The following SORBS3 variants were observed in gnomAD, a reference collection of about 807,000 sequenced individuals.
The protein encoded by SORBS3 is sorbin and SH3 domain containing 3, also known as vinexin.
A neutral mutation model predicts 98.0 loss-of-function variants in SORBS3; 69 were observed. That is an observed-to-expected ratio of 0.70 (90% CI 0.58 to 0.86). The LOEUF (loss-of-function observed/expected upper bound fraction) is 0.86. Ranked by LOEUF, SORBS3 falls within the 40% of genes least tolerant of loss-of-function variation. The pLI, the probability that SORBS3 is intolerant of heterozygous loss-of-function variation, is 0.00. For synonymous variants in SORBS3, 394 were observed against 355.4 expected, an observed-to-expected ratio of 1.11 and a Z score of -1.22; for missense variants, 954 against 908.5, an observed-to-expected ratio of 1.05 and a Z score of -0.64.
Position 22,564,144 on chromosome 8 carries a change from C to T in SORBS3, c.675+67C>T, listed in dbSNP as rs114087009. 1,106 of 1,534,606 alleles carry T rather than the reference C, an allele frequency of 7.2e-4. 8 individuals carry two copies. The African/African-American group carries it at 0.013, about 18-fold the overall frequency. The stretch of plus-strand genomic sequence containing the variant: ...GCCGTATGGCCAAGACCCTATGCCA[C>T]GATGTCCTTTCAGCTTGAATCCCTT... On this transcript the variant is annotated intron_variant, in intron 8 of 20. Transcript: ENST00000240123.
At chr8:22,565,608 C>G in intron 11 of SORBS3, 1 of 870,864 alleles carries the variant, frequency 1.1e-6, no homozygotes. Context: ...CGACCGGGCG[C>G]CCGCCCCGTC....
rs1840402780 is a variant in SORBS3 at position 22,565,873 on chromosome 8, G to A, written c.950+1G>A. On this transcript the variant is annotated splice_donor_variant, in intron 12 of 20. Coordinates refer to ENST00000240123, the MANE Select transcript of SORBS3 (RefSeq NM_005775.5). LOFTEE classifies it high-confidence loss of function. ...CCCCGGAGCAGCGGCCCCCGGCCGG[G>A]TGAGTGGGAGACGCGGGAGGAGGAA... 2.4e-6 allele frequency: 3 copies of A among 1,259,878 alleles called. No homozygotes were observed. The highest frequency in any genetic ancestry group is 3.0e-6 in the Non-Finnish European group (3 of 1,002,972). 78.0% of individuals were successfully genotyped at this position (1,259,878 alleles called of 1,614,324 possible).
At chr8:22,557,263 C>A (rs1178319058) in intron 4 of SORBS3, among the ~76,000 whole-genome samples, 1 of 152,196 alleles carries the variant, frequency 6.6e-6, no homozygotes, top group Non-Finnish European at 1.5e-5. Context: ...GAATGAATGA[C>A]TGACCGGCCG....
intron 4 of SORBS3, among the ~76,000 whole-genome samples, chr8:22,557,918 C>T (rs191728830): frequency 1.3e-5 from 2 of 152,292 alleles, no homozygotes; most frequent in Admixed American, 6.5e-5. Context: ...GCATACACTT[C>T]GATGGAGATC....
At chr8:22,548,905 C>A (rs1443887142), upstream of SORBS3, among the ~76,000 whole-genome samples, 1 of 152,228 alleles carries the variant, frequency 6.6e-6, no homozygotes, top group Non-Finnish European at 1.5e-5. Flanking sequence ...GAGTGACCCG[C>A]ATTCCACCGC....
rs753507775 is a variant in SORBS3 at position 22,554,406 on chromosome 8, C to CAGCCT, written c.-55-37_-55-33dup. On this transcript the variant is annotated intron_variant, in intron 1 of 20. Coordinates refer to ENST00000240123, the MANE Select transcript of SORBS3 (RefSeq NM_005775.5). This position sits in a 1 kb window ranked among gnomAD's most constrained non-coding sequence, Gnocchi z 6.5. ...CAGGGTCGAGCCAAGAGGGCATGGG[C>CAGCCT]AGCCTAGCCTAGCAGGGCTTTCCCT... 656 of 1,511,992 alleles carry CAGCCT rather than the reference C, an allele frequency of 4.3e-4. 1 individual carries two copies. The highest frequency in any genetic ancestry group is 7.1e-4 in the Admixed American group (35 of 49,264). 93.7% of individuals were successfully genotyped at this position (1,511,992 alleles called of 1,614,324 possible). A position where few individuals can be genotyped will look rare whatever the true frequency, so the allele number is the denominator to read the frequency against.
intron 12 of SORBS3, 187 bp from the exon 13 acceptor site, chr8:22,566,157 GC>G: frequency 1.3e-6 from 1 of 798,866 alleles, no homozygotes; most frequent in East Asian, 3.2e-5. Flanking sequence ...GCTGGGCCCT[GC>G]CGGGCCTCAC....
chr8:22,565,402 G>T lies in SORBS3; in HGVS notation c.903+48G>T, dbSNP rs1288819781. On this transcript the variant is annotated intron_variant, in intron 11 of 20. Coordinates refer to ENST00000240123, the MANE Select transcript of SORBS3 (RefSeq NM_005775.5). ...CGCGGGGCACGCCGGCGACCGCAGG[G>T]TCGGGGCGAGCCGGGAGCCTCGGCG... 4 of 1,447,724 alleles carry T rather than the reference G, an allele frequency of 2.8e-6. No homozygotes were observed. In the East Asian group the frequency reaches 1.1e-4, roughly 40 times the overall value. 89.7% of individuals were successfully genotyped at this position (1,447,724 alleles called of 1,614,324 possible).
chr8:22,548,351 C>T (rs1176830918), upstream of SORBS3, among the ~76,000 whole-genome samples: 1 of 152,012 alleles, frequency 6.6e-6, no homozygotes, highest in Non-Finnish European at 1.5e-5. Flanking sequence ...GGGATGGAGC[C>T]CAGGGCATGA....
intron 7 of SORBS3, among the ~76,000 whole-genome samples, chr8:22,562,360 A>G (rs929032809): frequency 5.9e-5 from 9 of 152,222 alleles, no homozygotes; most frequent in Non-Finnish European, 2.9e-5. Context: ...GAAGAACCCA[A>G]GTTCCAGCCT....
chr8:22,560,322 C>G (rs1840265841), intron 5 of SORBS3, among the ~76,000 whole-genome samples: 1 of 152,012 alleles, frequency 6.6e-6, no homozygotes, highest in Non-Finnish European at 1.5e-5. Context: ...CTCTGAAAAA[C>G]AACAATCCAT....
intron 16 of SORBS3, 66 bp downstream of exon 16, chr8:22,567,241 G>C: frequency 8.3e-7 from 1 of 1,202,168 alleles, no homozygotes; most frequent in Admixed American, 1.8e-5. Context: ...GAGAGACTTA[G>C]TGCAAACCTT....
chr8:22,570,862 T>A (rs370212354), intron 17 of SORBS3, 48 bp from the exon 18 acceptor site: 19 of 1,532,268 alleles, frequency 1.2e-5, no homozygotes, highest in Admixed American at 1.8e-5. Flanking sequence ...CACCCGTGGG[T>A]CCATGGCACC....
In SORBS3 at chr8:22,561,884, C is replaced by G; in HGVS notation, c.537C>G (p.Ala179=). The change falls in exon 7 of 21, where the codon GCC becomes GCG. Residue 179 remains alanine, a synonymous_variant. Coordinates refer to ENST00000240123, the MANE Select transcript of SORBS3 (RefSeq NM_005775.5). ...CTGCAGACCCCAGGCATCTAGGAGC[C>G]CAGCAAAGACCTGCCCACAGGCCCG... is the stretch of plus-strand genomic sequence containing the variant. ...EPPRDPRHLG[A]QQRPAHRPGP... is the part of the protein sequence containing the mutation. 1 of 1,614,230 alleles carries G rather than the reference C, an allele frequency of 6.2e-7. No homozygotes were observed. The highest frequency in any genetic ancestry group is 1.3e-5 in the African/African-American group (1 of 75,068).
At chr8:22,550,253 T>C (rs1840061079), upstream of SORBS3, among the ~76,000 whole-genome samples, 1 of 152,138 alleles carries the variant, frequency 6.6e-6, no homozygotes, top group Non-Finnish European at 1.5e-5. Flanking sequence ...CATCCCCATC[T>C]CTCCGCCTTC....
intron 1 of SORBS3, among the ~76,000 whole-genome samples, chr8:22,552,661 G>A (rs1840105428): frequency 6.6e-6 from 1 of 152,196 alleles, no homozygotes; most frequent in Non-Finnish European, 1.5e-5. Flanking sequence ...GAGGTGGGCG[G>A]GGAGGTCAGG....
Position 22,574,856 on chromosome 8 carries a change from C to G in SORBS3, c.*128C>G. On this transcript the variant is annotated 3_prime_UTR_variant, in exon 21 of 21. Coordinates refer to ENST00000240123, the MANE Select transcript of SORBS3 (RefSeq NM_005775.5). ...GAGCTCCCAGCATCTGCAGACGACC[C>G]CCGCAGCCTTTCCCTCGGACCCCCC... is the stretch of plus-strand genomic sequence containing the variant. 1.1e-6 allele frequency: 1 copy of G among 919,048 alleles called. No individual in the cohort carries two copies. The highest frequency in any genetic ancestry group is 1.8e-6 in the Non-Finnish European group (1 of 560,714). The allele number at this position is 919,048 out of a possible 1,614,324, so 56.9% of individuals were successfully genotyped here.
chr8:22,560,957 A>G lies in SORBS3; in HGVS notation c.479-378A>G, dbSNP rs116928857. The stretch of plus-strand genomic sequence containing the variant: ...AAATTCCCAGGCACCTTGAGGAGCT[A>G]GGAGTGGGTCTTGGCAAATGGGGAA... On this transcript the variant is annotated intron_variant, in intron 5 of 20. Transcript: ENST00000240123. The G allele has an allele frequency of 2.3e-3, 446 of 197,836 alleles. 11 individuals carry two copies. In the East Asian group the frequency reaches 0.045, roughly 20 times the overall value. 12.3% of individuals were successfully genotyped at this position (197,836 alleles called of 1,614,324 possible).
At chr8:22,548,528 C>T (rs1840039809), upstream of SORBS3, among the ~76,000 whole-genome samples, 1 of 152,188 alleles carries the variant, frequency 6.6e-6, no homozygotes, top group Non-Finnish European at 1.5e-5. Context: ...GAAGAAAACA[C>T]TCAGAATTCT....
Sources: allele counts gnomAD v4.1 joint callset (sites outside exome capture counted in the v4.1 genomes callset), GRCh38; gene constraint gnomAD v4.1.1; non-coding constraint Gnocchi (gnomAD v3.1); transcripts MANE v1.5; gene names NCBI Gene and HGNC (gene_info 2026-07-23, HGNC 2026-07-21).